ACTG2: variants seen among roughly 807,000 people sequenced by gnomAD.
The protein encoded by ACTG2 is actin, gamma-enteric smooth muscle.
In ACTG2, 16 loss-of-function variants were observed where a neutral mutation model predicts 37.6. The ratio of observed to expected loss-of-function variants is 0.43; its 90% CI spans 0.29 to 0.65. The LOEUF is 0.65. ACTG2 is among the 30% of genes least tolerant of loss of function. The probability of loss-of-function intolerance (pLI) is 0.18; values close to 1 mark genes in which losing one functional copy is unlikely to be tolerated. For missense variants in ACTG2, 238 were observed against 490.9 expected, an observed-to-expected ratio of 0.48 and a Z score of 4.87; for synonymous variants, 181 against 179.9, an observed-to-expected ratio of 1.01 and a Z score of -0.05.
intron 5 of ACTG2, among the ~76,000 whole-genome samples, chr2:73,913,197 TGTA>T (rs1341747546): frequency 6.9e-6 from 1 of 144,842 alleles, no homozygotes; most frequent in Non-Finnish European, 1.5e-5. Flanking sequence ...GAATATGCAA[TGTA>T]GACTTAATGC....
intron 1 of ACTG2, among the ~76,000 whole-genome samples, chr2:73,894,983 G>A (rs1263026027): frequency 2.6e-5 from 4 of 152,172 alleles, no homozygotes; most frequent in Admixed American, 2.0e-4. Flanking sequence ...GGGCAAGAGC[G>A]CTACTGCAGC....
chr2:73,914,662 C>A lies in ACTG2; in HGVS notation c.614-18C>A, dbSNP rs1429680831. ...TCAGAGCTCAGTATTCACCTTCTGT[C>A]ATTTCTGCTCCTTCCAGCTGAGAGA... On this transcript the variant is annotated intron_variant, in intron 6 of 8. Coordinates refer to ENST00000345517, the MANE Select transcript of ACTG2 (RefSeq NM_001615.4). 3 of 1,527,712 alleles carry A rather than the reference C, an allele frequency of 2.0e-6. No individual in the cohort carries two copies. Among genetic ancestry groups the A allele is most frequent in the South Asian group, 2.6e-5 (2 of 77,316 alleles). The allele number at this position is 1,527,712 out of a possible 1,614,324, so 94.6% of individuals were successfully genotyped here. A position where few individuals can be genotyped will look rare whatever the true frequency, so the allele number is the denominator to read the frequency against.
intron 7 of ACTG2, among the ~76,000 whole-genome samples, chr2:73,915,439 G>A (rs563768503): frequency 3.3e-5 from 5 of 151,118 alleles, no homozygotes; most frequent in Middle Eastern, 3.4e-3. Context: ...AGAATCGCTT[G>A]AGCCGCAGAG....
At chr2:73,908,048 T>G (rs1467539681) in intron 3 of ACTG2, among the ~76,000 whole-genome samples, 3 of 152,194 alleles carry the variant, frequency 2.0e-5, no homozygotes, top group African/African-American at 7.2e-5. Context: ...ATGAATGTCC[T>G]ACAGAAATGT....
chr2:73,913,380 G>A, intron 5 of ACTG2, 105 bp from the exon 6 acceptor site: 1 of 1,093,460 alleles, frequency 9.1e-7, no homozygotes, highest in Non-Finnish European at 1.2e-6. Context: ...TTCTTAACTG[G>A]TAAAGGAAAA....
chr2:73,899,050 T>C (rs1679819586), intron 1 of ACTG2, among the ~76,000 whole-genome samples: 1 of 152,132 alleles, frequency 6.6e-6, no homozygotes. Context: ...GACGTCGTGA[T>C]CCGCCCACCT....
intron 5 of ACTG2, among the ~76,000 whole-genome samples, chr2:73,909,443 C>T (rs564603448): frequency 6.6e-6 from 1 of 152,214 alleles, no homozygotes; most frequent in African/African-American, 2.4e-5. Context: ...AGAGTAGAAC[C>T]TGTGGTGGTG....
At chr2:73,897,810 T>C (rs890743932) in intron 1 of ACTG2, among the ~76,000 whole-genome samples, 1 of 152,168 alleles carries the variant, frequency 6.6e-6, no homozygotes, top group Non-Finnish European at 1.5e-5. Flanking sequence ...GGTGGCACCT[T>C]GTTGCTGCAC....
chr2:73,910,436 G>A (rs1186984995), intron 5 of ACTG2, among the ~76,000 whole-genome samples: 1 of 110,620 alleles, frequency 9.0e-6, no homozygotes, highest in East Asian at 2.6e-4. Flanking sequence ...GCGTGATCTC[G>A]GCTCATTGCA....
At chr2:73,909,286 C>A in intron 5 of ACTG2, 147 bp downstream of exon 5, 2 of 679,004 alleles carry the variant, frequency 2.9e-6, no homozygotes, top group African/African-American at 1.8e-5. Flanking sequence ...TGAGAATGCC[C>A]ATGTGGAATG....
At chr2:73,912,583 C>A (rs2249658) in intron 5 of ACTG2, among the ~76,000 whole-genome samples, 91,860 of 152,032 alleles carry the variant, frequency 0.6, 28,696 homozygotes, top group Admixed American at 0.72. Flanking sequence ...TTTTATTATA[C>A]AATATGCCAT....
intron 3 of ACTG2, among the ~76,000 whole-genome samples, chr2:73,903,401 C>T (rs1216811761): frequency 6.6e-6 from 1 of 152,220 alleles, no homozygotes. Context: ...CAATGGATTT[C>T]ACGTTATACA....
intron 6 of ACTG2, among the ~76,000 whole-genome samples, chr2:73,913,939 C>T (rs1680197963): frequency 6.6e-6 from 1 of 152,152 alleles, no homozygotes; most frequent in Non-Finnish European, 1.5e-5. Flanking sequence ...TACCTAGGGG[C>T]ACCTTTGGTT....
chr2:73,917,038 G>A (rs1039005572), intron 8 of ACTG2, among the ~76,000 whole-genome samples: 2 of 152,170 alleles, frequency 1.3e-5, no homozygotes, highest in Non-Finnish European at 2.9e-5. Flanking sequence ...TTATCCAGGT[G>A]TAATGGCTCA....
At chr2:73,915,262 G>A (rs1292140160) in intron 7 of ACTG2, among the ~76,000 whole-genome samples, 2 of 152,086 alleles carry the variant, frequency 1.3e-5, no homozygotes, top group Admixed American at 6.5e-5. Flanking sequence ...GCTCACGCCT[G>A]TAATCCCAGC....
At position 73,901,284 on chromosome 2, in the gene ACTG2, G is replaced by A; in HGVS notation, c.-28G>A. ...CTCCCGCAAATCCCAAGGTGCTCCA[G>A]TCCCCAGCTCACTCAGCCACACACA... On this transcript the variant is annotated 5_prime_UTR_variant, in exon 2 of 9. Coordinates refer to ENST00000345517, the MANE Select transcript of ACTG2 (RefSeq NM_001615.4). 3 of 1,542,088 alleles carry A rather than the reference G, an allele frequency of 1.9e-6. No individual in the cohort carries two copies. The highest frequency in any genetic ancestry group is 2.6e-6 in the Non-Finnish European group (3 of 1,138,326).
intron 8 of ACTG2, among the ~76,000 whole-genome samples, chr2:73,917,239 G>A (rs1240904569): frequency 2.0e-5 from 3 of 152,078 alleles, no homozygotes; most frequent in Non-Finnish European, 2.9e-5. Flanking sequence ...AAGGAAATCA[G>A]GAGATGGGAA....
rs1573475700 is a variant in ACTG2, at chr2:73,916,657, C to T, written c.879C>T (p.Asp293=). 2 of 1,614,132 alleles carry T rather than the reference C, an allele frequency of 1.2e-6. No individual in the cohort carries two copies. The highest frequency in any genetic ancestry group is 1.7e-6 in the Non-Finnish European group (2 of 1,180,034). The change falls in exon 8 of 9, where the codon GAC becomes GAT. Residue 293 remains aspartate (D), a synonymous_variant. Coordinates refer to ENST00000345517, the MANE Select transcript of ACTG2 (RefSeq NM_001615.4). ...IMKCDIDIRK[D]LYANNVLSGG... ...AGTGTGACATTGACATCCGTAAGGACTTATATGCCAACAATGTCCTCTCTG... is the reference window on the plus strand; with the variant it reads ...AGTGTGACATTGACATCCGTAAGGATTTATATGCCAACAATGTCCTCTCTG...
At position 73,916,605 on chromosome 2, in the gene ACTG2, A is replaced by G; in HGVS notation, c.827A>G (p.His276Arg). 1 of 1,613,922 alleles carries G rather than the reference A, an allele frequency of 6.2e-7. No homozygotes were observed. Among genetic ancestry groups the G allele is most frequent in the Non-Finnish European group, 8.5e-7 (1 of 1,179,892 alleles). ...CTAGGCATGGAGTCCGCTGGAATTC[A>G]TGAGACAACCTACAATTCCATCATG... ...SFIGMESAGIHETTYNSIMKC... is the reference protein window; with the variant it reads ...SFIGMESAGIRETTYNSIMKC... Residue 276 changes from histidine (H) to arginine (R), a missense_variant, in exon 8 of 9, where the codon CAT (histidine) becomes CGT (arginine). Coordinates refer to ENST00000345517, the MANE Select transcript of ACTG2 (RefSeq NM_001615.4).
Sources: allele counts gnomAD v4.1 joint callset (sites outside exome capture counted in the v4.1 genomes callset), GRCh38; gene constraint gnomAD v4.1.1; transcripts MANE v1.5; gene names NCBI Gene and HGNC (gene_info 2026-07-23, HGNC 2026-07-21).